Variants in BTG4 observed in about 807,000 individuals in gnomAD.
BTG4 encodes protein BTG4.
A neutral mutation model predicts 19.3 loss-of-function variants in BTG4; 10 were observed. That is an observed-to-expected ratio of 0.52 (90% CI 0.32 to 0.88). The LOEUF is 0.88. BTG4 is among the 40% of genes least tolerant of loss of function. The pLI is 0.04. For missense variants in BTG4, 238 were observed against 281.9 expected, an observed-to-expected ratio of 0.84 and a Z score of 1.11; for synonymous variants, 91 against 95.7, an observed-to-expected ratio of 0.95 and a Z score of 0.29.
chr11:111,456,611 G>A, the BTG4 span: 1 of 452,060 alleles, frequency 2.2e-6, no homozygotes, highest in Non-Finnish European at 4.5e-6. The surrounding 1 kb of genome is among the most constrained non-coding windows in gnomAD (Gnocchi z 4.2). Context: ...CCAGCCAGCG[G>A]CCACGCAGGC....
At chr11:111,486,703 T>C (rs1865084938) in intron 5 of BTG4, among the ~76,000 whole-genome samples, 3 of 152,206 alleles carry the variant, frequency 2.0e-5, no homozygotes, top group Admixed American at 2.0e-4. Flanking sequence ...CATGATCATG[T>C]GGGATTCATC....
chr11:111,418,723 C>A, the BTG4 span, among the ~76,000 whole-genome samples: 140,164 of 152,208 alleles, frequency 0.92, 64,878 homozygotes, highest in East Asian at 1. Flanking sequence ...ACTAGAGAAG[C>A]CAAAGGGATA....
chr11:111,482,339 C>A (rs1483089606), intron 5 of BTG4, among the ~76,000 whole-genome samples: 1 of 152,124 alleles, frequency 6.6e-6, no homozygotes, highest in South Asian at 2.1e-4. Flanking sequence ...ATATTGTGTT[C>A]ATAAATTGAA....
chr11:111,492,294 G>T (rs1865467344), downstream of BTG4, among the ~76,000 whole-genome samples: 1 of 152,156 alleles, frequency 6.6e-6, no homozygotes, highest in African/African-American at 2.4e-5. Context: ...CTGTGTAAAG[G>T]TTCTTGAAAA....
chr11:111,459,202 A>G, the BTG4 span, among the ~76,000 whole-genome samples: 1 of 151,992 alleles, frequency 6.6e-6, no homozygotes, highest in African/African-American at 2.4e-5. Context: ...AGATCACATC[A>G]TTGTACTCCA....
intron 1 of BTG4, among the ~76,000 whole-genome samples, chr11:111,507,524 G>C (rs1468381323): frequency 6.6e-6 from 1 of 151,978 alleles, no homozygotes. Flanking sequence ...ATAAAGCCCT[G>C]GACAAAAAAA....
chr11:111,446,262 C>A, the BTG4 span, among the ~76,000 whole-genome samples: 6 of 152,320 alleles, frequency 3.9e-5, no homozygotes, highest in African/African-American at 1.4e-4. Context: ...CTGGTATGAT[C>A]TTAGGCAAGT....
At chr11:111,442,639 T>C in the BTG4 span, among the ~76,000 whole-genome samples, 1 of 151,508 alleles carries the variant, frequency 6.6e-6, no homozygotes, top group Non-Finnish European at 1.5e-5. Flanking sequence ...TCATGAGGTA[T>C]GTCCAAAGGA....
At chr11:111,394,882 G>C in the BTG4 span, among the ~76,000 whole-genome samples, 1 of 152,182 alleles carries the variant, frequency 6.6e-6, no homozygotes, top group South Asian at 2.1e-4. Flanking sequence ...GGAAAAGCCT[G>C]AGATGCTCAT....
the BTG4 span, among the ~76,000 whole-genome samples, chr11:111,423,617 T>C: frequency 6.6e-6 from 1 of 152,308 alleles, no homozygotes; most frequent in East Asian, 1.9e-4. Flanking sequence ...AGCTGACAAC[T>C]TCCAAAGGAC....
At chr11:111,486,867 G>T (rs917222707) in intron 5 of BTG4, among the ~76,000 whole-genome samples, 1 of 152,106 alleles carries the variant, frequency 6.6e-6, no homozygotes, top group African/African-American at 2.4e-5. Flanking sequence ...GTGCAGGTTT[G>T]TTATATAGGT....
At chr11:111,392,350 T>A in the BTG4 span, among the ~76,000 whole-genome samples, 1 of 151,906 alleles carries the variant, frequency 6.6e-6, no homozygotes, top group African/African-American at 2.4e-5. Context: ...GCTAATTTTT[T>A]GCATTCTTAG....
chr11:111,501,413 G>A (rs1388135382), intron 1 of BTG4, among the ~76,000 whole-genome samples: 1 of 152,120 alleles, frequency 6.6e-6, no homozygotes, highest in African/African-American at 2.4e-5. Context: ...GAACTGAGAT[G>A]AAATACATAT....
At chr11:111,461,040 T>G in the BTG4 span, among the ~76,000 whole-genome samples, 8 of 152,230 alleles carry the variant, frequency 5.3e-5, no homozygotes, top group South Asian at 1.7e-3. Context: ...AAGCTCTCCC[T>G]GGCAGCTGTG....
chr11:111,415,468 A>G, the BTG4 span, among the ~76,000 whole-genome samples: 1 of 152,362 alleles, frequency 6.6e-6, no homozygotes, highest in East Asian at 1.9e-4. Flanking sequence ...TGAAAGCATC[A>G]TGCCCTCCTG....
intron 5 of BTG4, among the ~76,000 whole-genome samples, chr11:111,474,151 T>A (rs796515179): frequency 6.6e-6 from 1 of 152,132 alleles, no homozygotes; most frequent in African/African-American, 2.4e-5. Context: ...CCCAATCCAC[T>A]TTATTTAAAG....
the BTG4 span, among the ~76,000 whole-genome samples, chr11:111,426,459 T>C: frequency 6.6e-6 from 1 of 152,172 alleles, no homozygotes; most frequent in South Asian, 2.1e-4. Flanking sequence ...TGCAGAAATA[T>C]GCATGGCAAA....
the BTG4 span, among the ~76,000 whole-genome samples, chr11:111,435,854 G>A: frequency 6.6e-6 from 1 of 152,006 alleles, no homozygotes; most frequent in Non-Finnish European, 1.5e-5. Context: ...TCACTGACCT[G>A]GGCCTCAGAG....
chr11:111,391,721 G>C, the BTG4 span, among the ~76,000 whole-genome samples: 2 of 152,178 alleles, frequency 1.3e-5, no homozygotes, highest in African/African-American at 4.8e-5. Flanking sequence ...ATGGGCAATA[G>C]GGAGCCATGG....
Sources: allele counts gnomAD v4.1 joint callset (sites outside exome capture counted in the v4.1 genomes callset), GRCh38; gene constraint gnomAD v4.1.1; non-coding constraint Gnocchi (gnomAD v3.1); transcripts MANE v1.5; gene names NCBI Gene and HGNC (gene_info 2026-07-23, HGNC 2026-07-21).